The following HIC1 variants were observed in gnomAD, a reference collection of about 807,000 sequenced individuals.
The protein encoded by HIC1 is HIC ZBTB transcriptional repressor 1.
HIC1 carries 9 observed loss-of-function variants against 26.4 expected under a neutral mutation model. The ratio of observed to expected loss-of-function variants is 0.34; its 90% CI spans 0.21 to 0.59. The LOEUF (loss-of-function observed/expected upper bound fraction) is 0.59, where lower values mean the gene tolerates loss of function less well. HIC1 is among the 20% of genes least tolerant of loss of function. The pLI is 0.82. For synonymous variants in HIC1, 631 were observed against 523.1 expected (o/e 1.21, Z -2.81); for missense variants, 965 against 1,075.7 (o/e 0.90, Z 1.44).
rs867472768 is a variant in HIC1 at position 2,061,601 on chromosome 17, C to T, written c.*2766C>T. On this transcript the variant is annotated 3_prime_UTR_variant, in exon 2 of 2. Coordinates refer to ENST00000619757, the MANE Select transcript of HIC1 (RefSeq NM_006497.4). ...GTCATCCGTCAACAGCACCACCTCC[C>T]GCAGTAGCCGGATTGGCTCCTCTGT... 8 of 1,571,932 alleles carry T rather than the reference C, an allele frequency of 5.1e-6. No homozygotes were observed. Among genetic ancestry groups the T allele is most frequent in the Admixed American group, 1.8e-5 (1 of 54,082 alleles).
Position 2,058,767 on chromosome 17 carries a change from C to A in HIC1, c.2077C>A (p.Leu693Met), listed in dbSNP as rs543718567. ...CAGCCCCGACAAGGCGGCCGAGGTG[C>A]TGAGCCAGGGCGCTCACCTGGCGGC... ...GLSPDKAAEV[L>M]SQGAHLAAGP... is the part of the protein sequence containing the mutation. The change falls in exon 2 of 2, where the codon CTG (leucine) becomes ATG (methionine). Residue 693 changes from leucine to methionine, a missense_variant. Transcript: ENST00000619757. 30 of 1,523,404 alleles carry A rather than the reference C, an allele frequency of 2.0e-5. No homozygotes were observed. The East Asian group carries it at 7.3e-4, about 37-fold the overall frequency. The allele number at this position is 1,523,404 out of a possible 1,614,324, so 94.4% of individuals were successfully genotyped here. A position where few individuals can be genotyped will look rare whatever the true frequency, so the allele number is the denominator to read the frequency against.
chr17:2,058,505 G>A lies in HIC1; in HGVS notation c.1815G>A (p.Ala605=). 2 of 1,478,606 alleles carry A rather than the reference G, an allele frequency of 1.4e-6. No individual in the cohort carries two copies. The highest frequency in any genetic ancestry group is 2.9e-5 in the African/African-American group (2 of 67,984). The allele number at this position is 1,478,606 out of a possible 1,614,324, so 91.6% of individuals were successfully genotyped here. A position where few individuals can be genotyped will look rare whatever the true frequency, so the allele number is the denominator to read the frequency against. The change falls in exon 2 of 2, where the codon GCG becomes GCA. Residue 605 remains alanine, a synonymous_variant. Transcript: ENST00000619757. ...AVGGAAGAAG[A]LAGLGGLPGV... ...GGGGCGCGGCCGGCGCGGCCGGGGC[G>A]CTGGCGGGCTTGGGGGGGCTCCCCG... is the stretch of plus-strand genomic sequence containing the variant.
rs552862488 is a variant in HIC1, at chr17:2,061,193, G to A, written c.*2358G>A. On this transcript the variant is annotated 3_prime_UTR_variant, in exon 2 of 2. Transcript: ENST00000619757. ...GCCTTGGAATGAGACGGGGGAGGGA[G>A]AAAGGCTGAGAGCATGGGCGGCCTA... The A allele has an allele frequency of 1.1e-4, 34 of 316,694 alleles. No homozygotes were observed. The Admixed American group carries it at 1.3e-3, about 12-fold the overall frequency. The allele number at this position is 316,694 out of a possible 1,614,324, so 19.6% of individuals were successfully genotyped here.
rs568714706 is a variant in HIC1 at position 2,055,691 on chromosome 17, G to C, written c.-21+453G>C. 1.1e-4 allele frequency among the ~76,000 whole-genome samples: 16 copies of C among 151,740 alleles called. No individual in the cohort carries two copies. Among genetic ancestry groups the C allele is most frequent in the South Asian group, 2.1e-4 (1 of 4,828 alleles). On this transcript the variant is annotated intron_variant, in intron 1 of 1. Coordinates refer to ENST00000619757, the MANE Select transcript of HIC1 (RefSeq NM_006497.4). The surrounding 1 kb of genome is among the most constrained non-coding windows in gnomAD (Gnocchi z 6.4). ...GGGTCGGGCGGGCGAGCAGCGGGCA[G>C]GGGAGCTCAGGGCTCGGCTCCGGGC...
In HIC1 at chr17:2,056,844, T is replaced by C. The variant is rs2067676701; in HGVS notation, c.154T>C (p.Tyr52His). The change falls in exon 2 of 2, where the codon TAC (tyrosine) becomes CAC (histidine). Residue 52 changes from tyrosine to histidine, a missense_variant. Tyr to His is a moderately conservative substitution (Grantham distance 83). This residue lies in a region of HIC1 where 64 missense variants were observed against 114.0 expected (regional missense o/e 0.56). Transcript: ENST00000619757. ...GAACGTGCTGGCGGCCAGCAGCGCC[T>C]ACCTCAAGTCCCTGGTGGTGCATGA... ...HKNVLAASSAYLKSLVVHDNL... is the reference protein window; with the variant it reads ...HKNVLAASSAHLKSLVVHDNL... The C allele has an allele frequency of 1.2e-6, 2 of 1,612,886 alleles. No homozygotes were observed. The highest frequency in any genetic ancestry group is 1.7e-6 in the Non-Finnish European group (2 of 1,179,904).
chr17:2,055,409 G>T lies in HIC1; in HGVS notation c.-21+171G>T, dbSNP rs1361848684. Among the ~76,000 whole-genome samples the T allele has an allele frequency of 6.6e-6, 1 of 151,830 alleles. No individual in the cohort carries two copies. The highest frequency in any genetic ancestry group is 6.6e-5 in the Admixed American group (1 of 15,266). On this transcript the variant is annotated intron_variant, in intron 1 of 1. Coordinates refer to ENST00000619757, the MANE Select transcript of HIC1 (RefSeq NM_006497.4). This position sits in a 1 kb window ranked among gnomAD's most constrained non-coding sequence, Gnocchi z 6.4. ...TCGGACTCAGGACCACCGGGCCGCG[G>T]CTCCGCGCCGGGTTCACGGCGGGGT...
In HIC1 at chr17:2,058,034, C is replaced by T. The variant is rs541228330; in HGVS notation, c.1344C>T (p.Tyr448=). 3 of 1,592,202 alleles carry T rather than the reference C, an allele frequency of 1.9e-6. No individual in the cohort carries two copies. The highest frequency in any genetic ancestry group is 2.3e-5 in the East Asian group (1 of 44,146). Residue 448 remains tyrosine (Y), a synonymous_variant, in exon 2 of 2, where the codon TAC becomes TAT. Coordinates refer to ENST00000619757, the MANE Select transcript of HIC1 (RefSeq NM_006497.4). ...EAHVEEEEAL[Y]GRAEAAEVAA... ...ACGTGGAGGAGGAGGAAGCGCTGTA[C>T]GGCAGGGCCGAGGCGGCCGAAGTGG...
chr17:2,057,326 C>T lies in HIC1; in HGVS notation c.636C>T (p.Ala212=). 1 of 1,501,846 alleles carries T rather than the reference C, an allele frequency of 6.7e-7. No individual in the cohort carries two copies. The allele number at this position is 1,501,846 out of a possible 1,614,324, so 93.0% of individuals were successfully genotyped here. ...SGPGPAAALC[A]SERRCSPLCG... ...CCGGCCCGGCCGCCGCACTCTGTGC[C>T]TCGGAGCGCCGCTGCTCCCCTCTTT... The change falls in exon 2 of 2, where the codon GCC becomes GCT. Residue 212 remains alanine, a synonymous_variant. Transcript: ENST00000619757.
chr17:2,058,746 C>T lies in HIC1; in HGVS notation c.2056C>T (p.Pro686Ser). 3 of 1,527,768 alleles carry T rather than the reference C, an allele frequency of 2.0e-6. No homozygotes were observed. The highest frequency in any genetic ancestry group is 1.2e-5 in the South Asian group (1 of 82,068). The allele number at this position is 1,527,768 out of a possible 1,614,324, so 94.6% of individuals were successfully genotyped here. A position where few individuals can be genotyped will look rare whatever the true frequency, so the allele number is the denominator to read the frequency against. Residue 686 changes from proline to serine, a missense_variant, in exon 2 of 2, where the codon CCC becomes TCC. By Grantham distance (74) the Pro-to-Ser change is moderately conservative. Transcript: ENST00000619757. The stretch of plus-strand genomic sequence containing the variant: ...GTTCACGGCCGAGCTGGGCCTCAGC[C>T]CCGACAAGGCGGCCGAGGTGCTGAG... ...AKFTAELGLSPDKAAEVLSQG... is the reference protein window; with the variant it reads ...AKFTAELGLSSDKAAEVLSQG...
At position 2,057,902 on chromosome 17, in the gene HIC1, C is replaced by G. The variant is rs764316328; in HGVS notation, c.1212C>G (p.His404Gln). 1.2e-6 allele frequency: 2 copies of G among 1,606,156 alleles called. No individual in the cohort carries two copies. The highest frequency in any genetic ancestry group is 1.7e-5 in the Admixed American group (1 of 59,240). The change falls in exon 2 of 2, where the codon CAC becomes CAG. Residue 404 changes from histidine (H) to glutamine (Q), a missense_variant. Coordinates refer to ENST00000619757, the MANE Select transcript of HIC1 (RefSeq NM_006497.4). ...ACCTCGAGGGCTACCCATGCCCGCA[C>G]CTGGCCTATGGCGAGCCCGAGAGCT... The part of the protein sequence containing the change: ...GGHLEGYPCP[H>Q]LAYGEPESFG...
rs1162099666 is a variant in HIC1 at position 2,055,922 on chromosome 17, G to C, written c.-21+684G>C. 6.6e-6 allele frequency among the ~76,000 whole-genome samples: 1 copy of C among 150,604 alleles called. No homozygotes were observed. The highest frequency in any genetic ancestry group is 1.5e-5 in the Non-Finnish European group (1 of 67,482). ...CCAGGCCGAGGCCGGGACGCGGGTGGGGCGCAGGCCCGGGTCAGGGCCGCA... is the reference window on the plus strand; with the variant it reads ...CCAGGCCGAGGCCGGGACGCGGGTGCGGCGCAGGCCCGGGTCAGGGCCGCA... On this transcript the variant is annotated intron_variant, in intron 1 of 1. Coordinates refer to ENST00000619757, the MANE Select transcript of HIC1 (RefSeq NM_006497.4). The surrounding 1 kb of genome is among the most constrained non-coding windows in gnomAD (Gnocchi z 6.4).
rs905919823 is a variant in HIC1, at chr17:2,055,713, G to C, written c.-21+475G>C. Among the ~76,000 whole-genome samples, 7 of 151,648 alleles carry C rather than the reference G, an allele frequency of 4.6e-5. No homozygotes were observed. The highest frequency in any genetic ancestry group is 2.6e-4 in the Admixed American group (4 of 15,252). ...GCAGGGGAGCTCAGGGCTCGGCTCC[G>C]GGCTCTGCCGCCGGATTTGGGGGCC... On this transcript the variant is annotated intron_variant, in intron 1 of 1. Transcript: ENST00000619757. This position sits in a 1 kb window ranked among gnomAD's most constrained non-coding sequence, Gnocchi z 6.4.
chr17:2,058,789 C>T lies in HIC1; in HGVS notation c.2099C>T (p.Ala700Val), dbSNP rs1426001071. The change falls in exon 2 of 2, where the codon GCG becomes GTG. Residue 700 changes from alanine (A) to valine (V), a missense_variant. By Grantham distance (64) the Ala-to-Val change is moderately conservative (BLOSUM62 0). Transcript: ENST00000619757. ...GTGCTGAGCCAGGGCGCTCACCTGG[C>T]GGCCGGGCCCGACGGCCGGACCATC... ...AEVLSQGAHL[A>V]AGPDGRTIDR... 7.3e-6 allele frequency: 11 copies of T among 1,505,976 alleles called. No individual in the cohort carries two copies. Among genetic ancestry groups the T allele is most frequent in the East Asian group, 2.7e-5 (1 of 37,236 alleles). 93.3% of individuals were successfully genotyped at this position (1,505,976 alleles called of 1,614,324 possible). A position where few individuals can be genotyped will look rare whatever the true frequency, so the allele number is the denominator to read the frequency against.
chr17:2,057,848 C>A lies in HIC1; in HGVS notation c.1158C>A (p.Ser386Arg). The A allele has an allele frequency of 6.3e-7, 1 of 1,585,458 alleles. No individual in the cohort carries two copies. Among genetic ancestry groups the A allele is most frequent in the Non-Finnish European group, 8.6e-7 (1 of 1,167,282 alleles). The change falls in exon 2 of 2, where the codon AGC becomes AGA. Residue 386 changes from serine (S) to arginine (R), a missense_variant. Around this residue, in one of 6 missense-constraint regions of HIC1, gnomAD observed 526 missense variants for 525.0 expected, o/e 1.00. Coordinates refer to ENST00000619757, the MANE Select transcript of HIC1 (RefSeq NM_006497.4). Reference sequence around the variant, plus strand: ...AGAGCAGCAGCGAGGAGACCGGTAGCAGCGAGGACCCCAGCCCGCCTGGCG... The same window carrying A: ...AGAGCAGCAGCGAGGAGACCGGTAGAAGCGAGGACCCCAGCCCGCCTGGCG... ...DYKSSSEETGSSEDPSPPGGH... is the reference protein window; with the variant it reads ...DYKSSSEETGRSEDPSPPGGH...
rs2067662859 is a variant in HIC1, at chr17:2,055,446, G to A, written c.-21+208G>A. ...GTTCACGGCGGGGTCAGCGGCCCGGGGCCGGCTCTGCCCGCACATGGGCTG... is the reference window on the plus strand; with the variant it reads ...GTTCACGGCGGGGTCAGCGGCCCGGAGCCGGCTCTGCCCGCACATGGGCTG... On this transcript the variant is annotated intron_variant, in intron 1 of 1. Coordinates refer to ENST00000619757, the MANE Select transcript of HIC1 (RefSeq NM_006497.4). This position sits in a 1 kb window ranked among gnomAD's most constrained non-coding sequence, Gnocchi z 6.4. 6.6e-6 allele frequency among the ~76,000 whole-genome samples: 1 copy of A among 152,112 alleles called. No homozygotes were observed.
In HIC1 at chr17:2,061,515, G is replaced by A; in HGVS notation, c.*2680G>A. On this transcript the variant is annotated 3_prime_UTR_variant, in exon 2 of 2. Transcript: ENST00000619757. ...CCTCAGCCCACCTGGGCCCACGTGA[G>A]GAAGGCTGGGATGTCCCGTACAGGA... 1 of 1,574,580 alleles carries A rather than the reference G, an allele frequency of 6.4e-7. No homozygotes were observed. Among genetic ancestry groups the A allele is most frequent in the South Asian group, 1.2e-5 (1 of 86,098 alleles).
In HIC1 at chr17:2,055,465, T is replaced by G. The variant is rs1278215079; in HGVS notation, c.-21+227T>G. On this transcript the variant is annotated intron_variant, in intron 1 of 1. Coordinates refer to ENST00000619757, the MANE Select transcript of HIC1 (RefSeq NM_006497.4). The surrounding 1 kb of genome is among the most constrained non-coding windows in gnomAD (Gnocchi z 6.4). ...GCCCGGGGCCGGCTCTGCCCGCACATGGGCTGGAGAGGCGAGGGGAAGGGA... is the reference window on the plus strand; with the variant it reads ...GCCCGGGGCCGGCTCTGCCCGCACAGGGGCTGGAGAGGCGAGGGGAAGGGA... Among the ~76,000 whole-genome samples the G allele has an allele frequency of 6.7e-6, 1 of 149,232 alleles. No homozygotes were observed. Among genetic ancestry groups the G allele is most frequent in the Non-Finnish European group, 1.5e-5 (1 of 67,112 alleles).
At position 2,056,702 on chromosome 17, in the gene HIC1, G is replaced by A; in HGVS notation, c.12G>A (p.Thr4=). The change falls in exon 2 of 2, where the codon ACG becomes ACA. Residue 4 remains threonine (T), a synonymous_variant. Coordinates refer to ENST00000619757, the MANE Select transcript of HIC1 (RefSeq NM_006497.4). MLD[T]MEAPGHSRQL... ...GTGCTGGGCAGACGATGCTGGACAC[G>A]ATGGAGGCGCCCGGCCACTCCAGGC... 9 of 1,601,464 alleles carry A rather than the reference G, an allele frequency of 5.6e-6. No individual in the cohort carries two copies. In the South Asian group the frequency reaches 1.0e-4, roughly 18 times the overall value.
chr17:2,056,210 T>C (rs2067670931), intron 1 of HIC1: 2 of 1,048,152 alleles, frequency 1.9e-6, no homozygotes, highest in Non-Finnish European at 3.0e-6. Context: ...GCTCCCCTCC[T>C]CCGTATCACT....
Sources: gnomAD v4.1 joint callset for allele counts (sites outside exome capture counted in the v4.1 genomes callset) on GRCh38, gnomAD v4.1.1 for gene constraint, gnomAD v4.1.1 regional missense constraint, Gnocchi (gnomAD v3.1) non-coding constraint, MANE v1.5 for transcripts, NCBI Gene and HGNC (gene_info 2026-07-23, HGNC 2026-07-21) for gene names.